The following CCDC27 variants were observed in gnomAD, a reference collection of about 807,000 sequenced individuals.
CCDC27 encodes coiled-coil domain containing 27, also known as coiled-coil domain-containing protein 27.
CCDC27 carries 80 observed loss-of-function variants against 80.3 expected under a neutral mutation model. The observed-to-expected ratio is 1.00, with a 90% CI of 0.83 to 1.20. CCDC27 has a LOEUF of 1.20. CCDC27 is among the 50% of genes most tolerant of loss of function. CCDC27 has a pLI of 0.00. For missense variants in CCDC27, 815 were observed against 809.4 expected, an observed-to-expected ratio of 1.01 and a Z score of -0.08; for synonymous variants, 342 against 334.3, an observed-to-expected ratio of 1.02 and a Z score of -0.25.
chr1:3,756,922 C>T (rs767954218), intron 4 of CCDC27, 32 bp downstream of exon 4: 1 of 1,596,056 alleles, frequency 6.3e-7, no homozygotes, highest in Non-Finnish European at 8.6e-7. Context: ...ATCCCGGCCC[C>T]CCACCCCTCT....
Position 3,763,682 on chromosome 1 carries a change from C to A in CCDC27, c.1322-24C>A. On this transcript the variant is annotated intron_variant, in intron 7 of 11. Transcript: ENST00000294600. The surrounding 1 kb of genome is among the most constrained non-coding windows in gnomAD (Gnocchi z 7.5). ...CTCACTGCCCCTGCTTGCTCCTGCTCACCGCCTCTGCCTCTGTGCCCAGGA... is the reference window on the plus strand; with the variant it reads ...CTCACTGCCCCTGCTTGCTCCTGCTAACCGCCTCTGCCTCTGTGCCCAGGA... 1.2e-6 allele frequency: 2 copies of A among 1,613,752 alleles called. No individual in the cohort carries two copies. The highest frequency in any genetic ancestry group is 2.2e-5 in the South Asian group (2 of 90,984).
Position 3,766,583 on chromosome 1 carries a change from A to G in CCDC27, c.1501A>G (p.Ile501Val). The G allele has an allele frequency of 6.2e-7, 1 of 1,613,882 alleles. No individual in the cohort carries two copies. The highest frequency in any genetic ancestry group is 8.5e-7 in the Non-Finnish European group (1 of 1,179,966). ...DKKHQEMMGL[I>V]EKDNQLLRQQ... ...GAAACACCAAGAGATGATGGGGCTC[A>G]TTGAAAAGGACAACCAGCTCCTCCG... is the stretch of plus-strand genomic sequence containing the variant. Residue 501 changes from isoleucine (I) to valine (V), a missense_variant, in exon 9 of 12, where the codon ATT becomes GTT. By Grantham distance (29) the Ile-to-Val change is conservative. Coordinates refer to ENST00000294600, the MANE Select transcript of CCDC27 (RefSeq NM_152492.3). The surrounding 1 kb of genome is among the most constrained non-coding windows in gnomAD (Gnocchi z 6.1).
Position 3,763,782 on chromosome 1 carries a change from G to T in CCDC27, c.1398G>T (p.Thr466=). ...QLRKINTENE[T]LQKELRERRQ... ...GAAAGATCAATACGGAAAATGAGAC[G>T]CTGCAGAAGGAGCTCCGAGAGCGGA... Residue 466 remains threonine, a synonymous_variant, in exon 8 of 12, where the codon ACG becomes ACT. Transcript: ENST00000294600. The surrounding 1 kb of genome is among the most constrained non-coding windows in gnomAD (Gnocchi z 7.5). The T allele has an allele frequency of 6.2e-7, 1 of 1,614,146 alleles. No individual in the cohort carries two copies. Among genetic ancestry groups the T allele is most frequent in the Non-Finnish European group, 8.5e-7 (1 of 1,179,994 alleles).
chr1:3,763,516 G>A lies in CCDC27; in HGVS notation c.1321+42G>A, dbSNP rs1007067678. On this transcript the variant is annotated intron_variant, in intron 7 of 11. Coordinates refer to ENST00000294600, the MANE Select transcript of CCDC27 (RefSeq NM_152492.3). The surrounding 1 kb of genome is among the most constrained non-coding windows in gnomAD (Gnocchi z 7.5). ...GGGCACTGGGCTTTGGCCACTCAGT[G>A]GTTCCCGGCCCAGGAGCTGGGACGC... 2 of 1,555,436 alleles carry A rather than the reference G, an allele frequency of 1.3e-6. No individual in the cohort carries two copies. The highest frequency in any genetic ancestry group is 3.7e-5 in the Admixed American group (2 of 54,124).
intron 4 of CCDC27, among the ~76,000 whole-genome samples, chr1:3,759,277 T>TA (rs1339818688): frequency 2.0e-5 from 3 of 152,164 alleles, no homozygotes; most frequent in Non-Finnish European, 4.4e-5. Flanking sequence ...CTTTTTCCTC[T>TA]AGTTTCAGTT....
In CCDC27 at chr1:3,752,780, G is replaced by A; in HGVS notation, c.299G>A (p.Ser100Asn). ...RTLSKSVQTI[S>N]RYYRKTSEPK... is the part of the protein sequence containing the mutation. ...CTCAGCAAGTCGGTCCAGACCATCAGCCGCTACTACAGGAAGACGGTATGG... is the reference window on the plus strand; with the variant it reads ...CTCAGCAAGTCGGTCCAGACCATCAACCGCTACTACAGGAAGACGGTATGG... The change falls in exon 1 of 12, where the codon AGC becomes AAC. Residue 100 changes from serine (S) to asparagine (N), a missense_variant. Physicochemically the swap from Ser to Asn is conservative, Grantham distance 46. Transcript: ENST00000294600. The A allele has an allele frequency of 6.2e-7, 1 of 1,612,770 alleles. No homozygotes were observed. Among genetic ancestry groups the A allele is most frequent in the South Asian group, 1.1e-5 (1 of 91,062 alleles).
At position 3,761,441 on chromosome 1, in the gene CCDC27, C is replaced by T; in HGVS notation, c.861+11C>T. ...TCCCCAGGCAGGAGGGTGAGCCAGC[C>T]CCAGCGGGGCACAGCGCAGAGCTCT... is the stretch of plus-strand genomic sequence containing the variant. On this transcript the variant is annotated intron_variant, in intron 5 of 11. Transcript: ENST00000294600. This position sits in a 1 kb window ranked among gnomAD's most constrained non-coding sequence, Gnocchi z 5.0. 2.5e-6 allele frequency: 4 copies of T among 1,612,974 alleles called. No individual in the cohort carries two copies. The highest frequency in any genetic ancestry group is 3.4e-6 in the Non-Finnish European group (4 of 1,179,748).
intron 1 of CCDC27, among the ~76,000 whole-genome samples, chr1:3,753,241 G>A (rs985934529): frequency 4.6e-5 from 7 of 152,110 alleles, no homozygotes; most frequent in African/African-American, 1.7e-4. Context: ...AGCCCGAGAT[G>A]GTCACCCCGG....
intron 1 of CCDC27, among the ~76,000 whole-genome samples, chr1:3,753,602 C>G (rs1261905594): frequency 6.6e-6 from 1 of 152,230 alleles, no homozygotes; most frequent in East Asian, 1.9e-4. Context: ...TCCCAAAGTG[C>G]TGGGATTACA....
At chr1:3,756,430 C>T (rs1364831367) in intron 3 of CCDC27, 4 of 274,366 alleles carry the variant, frequency 1.5e-5, no homozygotes, top group Middle Eastern at 2.5e-3. Context: ...CAGGATGACC[C>T]CCTCGTCCCG....
chr1:3,756,131 G>C (rs1031366827), intron 3 of CCDC27: 1 of 155,620 alleles, frequency 6.4e-6, no homozygotes, highest in Admixed American at 6.2e-5. Flanking sequence ...ACGAGGTTCA[G>C]GAGTTCAAGA....
chr1:3,755,681 C>T, intron 3 of CCDC27, 114 bp downstream of exon 3: 2 of 860,968 alleles, frequency 2.3e-6, no homozygotes, highest in South Asian at 3.0e-5. Flanking sequence ...GACTGTCTGC[C>T]TCCTGAGGAC....
intron 6 of CCDC27, 32 bp downstream of exon 6, chr1:3,762,744 G>C: frequency 2.0e-6 from 3 of 1,532,734 alleles, no homozygotes; most frequent in Non-Finnish European, 2.6e-6. Context: ...GGCACGCAGT[G>C]GGGGACCCGG....
chr1:3,765,318 C>T (rs969748782), intron 8 of CCDC27, among the ~76,000 whole-genome samples: 1 of 152,112 alleles, frequency 6.6e-6, no homozygotes, highest in African/African-American at 2.4e-5. Context: ...CAGAGTTGTG[C>T]TTTATTGAGG....
chr1:3,763,753 C>A lies in CCDC27; in HGVS notation c.1369C>A (p.Leu457Met). The change falls in exon 8 of 12, where the codon CTG becomes ATG. Residue 457 changes from leucine to methionine, a missense_variant. Leu to Met is a conservative substitution (Grantham distance 15, BLOSUM62 2). Coordinates refer to ENST00000294600, the MANE Select transcript of CCDC27 (RefSeq NM_152492.3). The surrounding 1 kb of genome is among the most constrained non-coding windows in gnomAD (Gnocchi z 7.5). Reference sequence around the variant, plus strand: ...ACAAGTGGATTTCCAAGAAACCCAGCTGCGAAAGATCAATACGGAAAATGA... The same window carrying A: ...ACAAGTGGATTTCCAAGAAACCCAGATGCGAAAGATCAATACGGAAAATGA... ...QQQVDFQETQLRKINTENETL... is the reference protein window; with the variant it reads ...QQQVDFQETQMRKINTENETL... The A allele has an allele frequency of 6.2e-7, 1 of 1,614,138 alleles. No homozygotes were observed. Among genetic ancestry groups the A allele is most frequent in the African/African-American group, 1.3e-5 (1 of 75,058 alleles).
At chr1:3,758,495 T>C (rs1337948701) in intron 4 of CCDC27, among the ~76,000 whole-genome samples, 1 of 151,952 alleles carries the variant, frequency 6.6e-6, no homozygotes. Context: ...CTTTATTTTT[T>C]AGAGAAAGGG....
In CCDC27 at chr1:3,757,739, C is replaced by G. The variant is rs529910725; in HGVS notation, c.711+849C>G. ...GAGATCGAGACCATCCTGGCTAACACGCGAAACCCCGTCTCTACTAAAAAT... is the reference window on the plus strand; with the variant it reads ...GAGATCGAGACCATCCTGGCTAACAGGCGAAACCCCGTCTCTACTAAAAAT... On this transcript the variant is annotated intron_variant, in intron 4 of 11. Coordinates refer to ENST00000294600, the MANE Select transcript of CCDC27 (RefSeq NM_152492.3). Among the ~76,000 whole-genome samples the G allele has an allele frequency of 2.0e-5, 3 of 152,060 alleles. No individual in the cohort carries two copies. In the East Asian group the frequency reaches 5.8e-4, roughly 30 times the overall value.
rs57907387 is a variant in CCDC27 at position 3,759,216 on chromosome 1, CA to C, written c.712-2052del. Among the ~76,000 whole-genome samples, 394 of 144,108 alleles carry C rather than the reference CA, an allele frequency of 2.7e-3. 1 individual carries two copies. The highest frequency in any genetic ancestry group is 4.7e-3 in the Admixed American group (69 of 14,540). The allele number at this position is 144,108 out of a possible 152,430, so 94.5% of individuals were successfully genotyped here. A position where few individuals can be genotyped will look rare whatever the true frequency, so the allele number is the denominator to read the frequency against. ...CAGGCGACAGTGCAAGACTTTGTCTCAAAAAAAAAAAAATCACAAATTCAAT... is the reference window on the plus strand; with the variant it reads ...CAGGCGACAGTGCAAGACTTTGTCTCAAAAAAAAAAAATCACAAATTCAAT... On this transcript the variant is annotated intron_variant, in intron 4 of 11. Coordinates refer to ENST00000294600, the MANE Select transcript of CCDC27 (RefSeq NM_152492.3).
chr1:3,753,586 T>C lies in CCDC27; in HGVS notation c.319-532T>C, dbSNP rs553123470. 6.6e-5 allele frequency among the ~76,000 whole-genome samples: 10 copies of C among 152,344 alleles called. No individual in the cohort carries two copies. The South Asian group carries it at 2.1e-3, about 32-fold the overall frequency. On this transcript the variant is annotated intron_variant, in intron 1 of 11. Transcript: ENST00000294600. Reference sequence around the variant, plus strand: ...CCCAACCTCATGTGATCTGCCCGCCTTGGCCTCCCAAAGTGCTGGGATTAC... The same window carrying C: ...CCCAACCTCATGTGATCTGCCCGCCCTGGCCTCCCAAAGTGCTGGGATTAC...
Sources: allele counts gnomAD v4.1 joint callset (sites outside exome capture counted in the v4.1 genomes callset), GRCh38; gene constraint gnomAD v4.1.1; non-coding constraint Gnocchi (gnomAD v3.1); transcripts MANE v1.5; gene names NCBI Gene and HGNC (gene_info 2026-07-23, HGNC 2026-07-21).